MSI2: variants seen among roughly 807,000 people sequenced by gnomAD.
MSI2 encodes musashi RNA binding protein 2.
In MSI2, 17 loss-of-function variants were observed where a neutral mutation model predicts 45.6. The ratio of observed to expected loss-of-function variants is 0.37; its 90% CI spans 0.26 to 0.56. The LOEUF (loss-of-function observed/expected upper bound fraction) is 0.56. Ranked by LOEUF, MSI2 falls within the 20% of genes least tolerant of loss-of-function variation. MSI2 has a pLI of 0.77. For missense variants in MSI2, 293 were observed against 444.2 expected (o/e 0.66, Z 3.06); for synonymous variants, 156 against 158.2 (o/e 0.99, Z 0.11).
Position 57,514,010 on chromosome 17 carries a change from T to C in MSI2, c.406-15666T>C, listed in dbSNP as rs564645181. Among the ~76,000 whole-genome samples the C allele has an allele frequency of 3.4e-4, 52 of 152,326 alleles. No individual in the cohort carries two copies. The South Asian group carries it at 9.8e-3, about 29-fold the overall frequency. On this transcript the variant is annotated intron_variant, in intron 6 of 13. Coordinates refer to ENST00000284073, the MANE Select transcript of MSI2 (RefSeq NM_138962.4). ...GGAGATTAAGATTTCCTTTTATTTA[T>C]TTTTAAGTTCCATTGTAATTGAACC...
intron 5 of MSI2, among the ~76,000 whole-genome samples, chr17:57,384,334 T>A (rs2083648641): frequency 6.6e-6 from 1 of 152,176 alleles, no homozygotes. Context: ...TTCACTCATA[T>A]GTCTGGCTCC....
intron 6 of MSI2, among the ~76,000 whole-genome samples, chr17:57,482,827 G>T (rs1053352375): frequency 2.0e-5 from 3 of 152,218 alleles, no homozygotes; most frequent in African/African-American, 7.2e-5. Flanking sequence ...GGACTGTGGG[G>T]ACATTTTGTG....
At chr17:57,316,793 T>G (rs1912886995) in intron 5 of MSI2, among the ~76,000 whole-genome samples, 1 of 152,144 alleles carries the variant, frequency 6.6e-6, no homozygotes, top group Admixed American at 6.5e-5. Context: ...AGGCTTGAGG[T>G]CCGGTTTTGT....
intron 9 of MSI2, among the ~76,000 whole-genome samples, chr17:57,619,917 C>T (rs1394032444): frequency 6.6e-6 from 1 of 152,192 alleles, no homozygotes; most frequent in Non-Finnish European, 1.5e-5. Context: ...GCCTATTGTT[C>T]TTGAGTTATA....
chr17:57,493,008 G>A (rs1302469048), intron 6 of MSI2, among the ~76,000 whole-genome samples: 1 of 152,200 alleles, frequency 6.6e-6, no homozygotes, highest in Admixed American at 6.5e-5. Context: ...GTAGGATGGG[G>A]TAGGGAAATG....
chr17:57,408,074 A>C (rs1418890925), intron 6 of MSI2, among the ~76,000 whole-genome samples: 2 of 152,166 alleles, frequency 1.3e-5, no homozygotes, highest in Non-Finnish European at 2.9e-5. Flanking sequence ...CTGCTAAACA[A>C]CTTTGTGTTT....
chr17:57,285,433 A>G (rs1033334133), intron 5 of MSI2, among the ~76,000 whole-genome samples: 9 of 152,232 alleles, frequency 5.9e-5, no homozygotes, highest in African/African-American at 1.9e-4. Flanking sequence ...GAGGAGGCCA[A>G]CTTGCGGTTT....
At chr17:57,457,002 G>T (rs914438303) in intron 6 of MSI2, among the ~76,000 whole-genome samples, 43 of 152,314 alleles carry the variant, frequency 2.8e-4, no homozygotes, top group African/African-American at 1.0e-3. Context: ...GGAAGGAGAA[G>T]TTTGGCAGCA....
At chr17:57,541,393 G>T (rs1281636383) in intron 7 of MSI2, among the ~76,000 whole-genome samples, 1 of 152,118 alleles carries the variant, frequency 6.6e-6, no homozygotes, top group Admixed American at 6.5e-5. Flanking sequence ...AGGAAGAAAA[G>T]GAAGGAATTC....
intron 8 of MSI2, among the ~76,000 whole-genome samples, chr17:57,613,089 A>G (rs145765527): frequency 6.6e-6 from 1 of 152,334 alleles, no homozygotes; most frequent in African/African-American, 2.4e-5. Flanking sequence ...ACCTGCAATG[A>G]CAATATTCTA....
At chr17:57,370,567 T>G (rs916810583) in intron 5 of MSI2, among the ~76,000 whole-genome samples, 1 of 152,136 alleles carries the variant, frequency 6.6e-6, no homozygotes, top group Non-Finnish European at 1.5e-5. Context: ...GGAATGAGAC[T>G]CCTGGGATTC....
rs548407748 is a variant in MSI2, at chr17:57,584,395, A to T, written c.455-12473A>T. On this transcript the variant is annotated intron_variant, in intron 7 of 13. Coordinates refer to ENST00000284073, the MANE Select transcript of MSI2 (RefSeq NM_138962.4). The stretch of plus-strand genomic sequence containing the variant: ...CACTCATCAGAGGCACCCGATGGTC[A>T]TCTGCCTGCCCGCAGACTCCAGGCA... 3.3e-5 allele frequency among the ~76,000 whole-genome samples: 5 copies of T among 152,298 alleles called. No individual in the cohort carries two copies. In the South Asian group the frequency reaches 1.0e-3, roughly 32 times the overall value.
chr17:57,351,215 G>C (rs1916004148), intron 5 of MSI2, among the ~76,000 whole-genome samples: 1 of 152,090 alleles, frequency 6.6e-6, no homozygotes, highest in South Asian at 2.1e-4. Flanking sequence ...GGGAGGAAAA[G>C]AGCAGATGAT....
Position 57,532,912 on chromosome 17 carries a change from C to G in MSI2, c.454+3188C>G, listed in dbSNP as rs149371112. On this transcript the variant is annotated intron_variant, in intron 7 of 13. Coordinates refer to ENST00000284073, the MANE Select transcript of MSI2 (RefSeq NM_138962.4). ...CCTGGGGCCTCAACTCATCCTTACC[C>G]CAGGAATTTTGACAGCTACCTGTGT... Among the ~76,000 whole-genome samples, 1,341 of 152,294 alleles carry G rather than the reference C, an allele frequency of 8.8e-3. 10 individuals are homozygous for G. Among genetic ancestry groups the G allele is most frequent in the Non-Finnish European group, 0.014 (952 of 68,020 alleles).
intron 6 of MSI2, among the ~76,000 whole-genome samples, chr17:57,412,183 G>A (rs537687725): frequency 6.6e-5 from 10 of 151,690 alleles, no homozygotes; most frequent in Non-Finnish European, 1.0e-4. Context: ...GTTTACAGGC[G>A]TGTGCCACCA....
At chr17:57,609,167 A>G (rs571805224) in intron 8 of MSI2, among the ~76,000 whole-genome samples, 3 of 152,322 alleles carry the variant, frequency 2.0e-5, no homozygotes, top group Non-Finnish European at 1.5e-5. Flanking sequence ...GAGGATCTTC[A>G]GAGAAACAAT....
At chr17:57,351,901 C>T (rs1292916368) in intron 5 of MSI2, among the ~76,000 whole-genome samples, 1 of 152,118 alleles carries the variant, frequency 6.6e-6, no homozygotes, top group Non-Finnish European at 1.5e-5. Context: ...CACACACACA[C>T]AAAGTTTGTG....
chr17:57,372,990 T>C (rs2083442909), intron 5 of MSI2, among the ~76,000 whole-genome samples: 1 of 152,206 alleles, frequency 6.6e-6, no homozygotes, highest in East Asian at 1.9e-4. Context: ...GGCTCACGAC[T>C]GTAATCCCGA....
chr17:57,524,333 G>A (rs1411063441), intron 6 of MSI2, among the ~76,000 whole-genome samples: 2 of 152,230 alleles, frequency 1.3e-5, no homozygotes, highest in Admixed American at 6.5e-5. Flanking sequence ...ACTCACAGAG[G>A]AACGGGTGTG....
Sources: gnomAD v4.1 joint callset for allele counts (sites outside exome capture counted in the v4.1 genomes callset) on GRCh38, gnomAD v4.1.1 for gene constraint, MANE v1.5 for transcripts, NCBI Gene and HGNC (gene_info 2026-07-23, HGNC 2026-07-21) for gene names.